Variants in CFAP54 observed in about 807,000 individuals in gnomAD.
CFAP54 encodes the protein cilia- and flagella-associated protein 54.
Under a neutral mutation model 370.4 loss-of-function variants are expected in CFAP54, and 290 were observed. The ratio of observed to expected loss-of-function variants is 0.78; its 90% confidence interval spans 0.71 to 0.86. The LOEUF (loss-of-function observed/expected upper bound fraction) is 0.86, where lower values mean the gene tolerates loss of function less well. Among genes scored for constraint, CFAP54 ranks in the 40% least tolerant of loss-of-function variants. The probability of loss-of-function intolerance (pLI) is 0.00; values close to 1 mark genes in which losing one functional copy is unlikely to be tolerated. For synonymous variants in CFAP54, 1,206 were observed against 1,236.5 expected (o/e 0.98, Z 0.52); for missense variants, 3,399 against 3,528.7 (o/e 0.96, Z 0.93).
At position 96,489,662 on chromosome 12, in the gene CFAP54, C is replaced by G. The variant is rs1318082183; in HGVS notation, c.53C>G (p.Ser18Trp). The G allele has an allele frequency of 6.5e-7, 1 of 1,535,314 alleles. No individual in the cohort carries two copies. ...TCTCCGTCAGACGACTCTACCACCT[C>G]GGGGTCTCTGCCAGAACTGCCGCCG... is the stretch of plus-strand genomic sequence containing the variant. ...SSSPSDDSTT[S>W]GSLPELPPTS... The change falls in exon 1 of 68, where the codon TCG (serine) becomes TGG (tryptophan). Residue 18 changes from serine (S) to tryptophan (W), a missense_variant. Around this residue, in one of 3 missense-constraint regions of CFAP54, gnomAD observed 559 missense variants for 576.7 expected, o/e 0.97. Transcript: ENST00000524981.
chr12:96,775,667 A>AT (rs1362126744), intron 60 of CFAP54, among the ~76,000 whole-genome samples: 2 of 152,064 alleles, frequency 1.3e-5, no homozygotes, highest in Non-Finnish European at 2.9e-5. Context: ...TCCTCCTCTT[A>AT]TATCTGTAGT....
chr12:96,656,504 C>T lies in CFAP54; in HGVS notation c.5101-1378C>T, dbSNP rs147141342. Among the ~76,000 whole-genome samples the T allele has an allele frequency of 7.9e-5, 12 of 152,326 alleles. No homozygotes were observed. The East Asian group carries it at 2.3e-3, about 29-fold the overall frequency. On this transcript the variant is annotated intron_variant, in intron 36 of 67. Coordinates refer to ENST00000524981, the MANE Select transcript of CFAP54 (RefSeq NM_001306084.2). ...GCGATTCATTCTCCTGCCTCAGCCTCCTGAGTAGCTGAGATTACAGGCATG... is the reference window on the plus strand; with the variant it reads ...GCGATTCATTCTCCTGCCTCAGCCTTCTGAGTAGCTGAGATTACAGGCATG...
chr12:96,756,835 G>A (rs34483), intron 57 of CFAP54, among the ~76,000 whole-genome samples: 21,194 of 152,226 alleles, frequency 0.14, 1,883 homozygotes, highest in Middle Eastern at 0.26. Flanking sequence ...AGGATGACTG[G>A]CTTCTAAACT....
chr12:96,628,031 G>A (rs1358112776), intron 30 of CFAP54, among the ~76,000 whole-genome samples: 1 of 152,240 alleles, frequency 6.6e-6, no homozygotes, highest in Non-Finnish European at 1.5e-5. Flanking sequence ...ACAGCGTTCA[G>A]TATAGTAACA....
chr12:96,679,760 G>T lies in CFAP54; in HGVS notation c.5716+8G>T, dbSNP rs757182708. Reference sequence around the variant, plus strand: ...TTCTTGCACAGACACAAGGTAAAATGCATGTTCTGTATCTCTGAATCTTTC... The same window carrying T: ...TTCTTGCACAGACACAAGGTAAAATTCATGTTCTGTATCTCTGAATCTTTC... On this transcript the variant is annotated splice_region_variant and intron_variant, in intron 40 of 67. Transcript: ENST00000524981. 1 of 1,611,420 alleles carries T rather than the reference G, an allele frequency of 6.2e-7. No homozygotes were observed. The highest frequency in any genetic ancestry group is 8.5e-7 in the Non-Finnish European group (1 of 1,178,672).
intron 50 of CFAP54, among the ~76,000 whole-genome samples, chr12:96,722,106 T>A (rs34178730): frequency 5.1e-4 from 77 of 152,138 alleles, no homozygotes; most frequent in African/African-American, 1.8e-3. Flanking sequence ...TCCTGGCCCA[T>A]GTGCAGGAAC....
At position 96,519,039 on chromosome 12, in the gene CFAP54, T is replaced by G; in HGVS notation, c.910T>G (p.Cys304Gly). The part of the protein sequence containing the change: ...ATLYTAVCQC[C>G]YDCHAGIHGE... Reference sequence around the variant, plus strand: ...TCTCTACACAGCTGTTTGCCAGTGCTGCTATGACTGCCATGCCGGGATTCA... The same window carrying G: ...TCTCTACACAGCTGTTTGCCAGTGCGGCTATGACTGCCATGCCGGGATTCA... Residue 304 changes from cysteine (C) to glycine (G), a missense_variant, in exon 6 of 68, where the codon TGC (cysteine) becomes GGC (glycine). Cys to Gly is a radical substitution (Grantham distance 159, BLOSUM62 -3). Around this residue, in one of 3 missense-constraint regions of CFAP54, gnomAD observed 559 missense variants for 576.7 expected, o/e 0.97. Transcript: ENST00000524981. 1.3e-6 allele frequency: 2 copies of G among 1,535,720 alleles called. No homozygotes were observed. Among genetic ancestry groups the G allele is most frequent in the Non-Finnish European group, 1.7e-6 (2 of 1,146,722 alleles).
chr12:96,679,126 C>G (rs1957243319), intron 39 of CFAP54, among the ~76,000 whole-genome samples: 1 of 152,184 alleles, frequency 6.6e-6, no homozygotes, highest in South Asian at 2.1e-4. Flanking sequence ...GGGTCCCCCT[C>G]TTCCTTTCCT....
rs142512903 is a variant in CFAP54 at position 96,762,634 on chromosome 12, A to G, written c.8041-1517A>G. 2.8e-3 allele frequency among the ~76,000 whole-genome samples: 432 copies of G among 152,236 alleles called. 1 individual carries two copies. The highest frequency in any genetic ancestry group is 9.8e-3 in the African/African-American group (407 of 41,542). The stretch of plus-strand genomic sequence containing the variant: ...AGTTGGTCTTACATTATAGTTATTT[A>G]ATGTTGTTCTCTATTCTTCATTACA... On this transcript the variant is annotated intron_variant, in intron 58 of 67. Coordinates refer to ENST00000524981, the MANE Select transcript of CFAP54 (RefSeq NM_001306084.2).
intron 50 of CFAP54, among the ~76,000 whole-genome samples, chr12:96,732,073 A>G (rs1957926988): frequency 6.6e-6 from 1 of 152,016 alleles, no homozygotes; most frequent in Non-Finnish European, 1.5e-5. Context: ...GTAGAAAAAG[A>G]GATGAACAAT....
chr12:96,742,470 T>C lies in CFAP54; in HGVS notation c.7103T>C (p.Leu2368Ser). 6.3e-7 allele frequency: 1 copy of C among 1,598,582 alleles called. No individual in the cohort carries two copies. Among genetic ancestry groups the C allele is most frequent in the South Asian group, 1.1e-5 (1 of 90,540 alleles). The change falls in exon 52 of 68, where the codon TTA becomes TCA. Residue 2368 changes from leucine (L) to serine (S), a missense_variant. Physicochemically the swap from Leu to Ser is moderately radical, Grantham distance 145. Around this residue, in one of 3 missense-constraint regions of CFAP54, gnomAD observed 2,796 missense variants for 2,869.7 expected, o/e 0.97. Transcript: ENST00000524981. The part of the protein sequence containing the change: ...VTENKDDSEF[L>S]DPISLNAREY... ...GAAAATAAAGATGACAGTGAGTTTT[T>C]AGATCCTATTTCCCTAAATGCCCGA...
intron 12 of CFAP54, among the ~76,000 whole-genome samples, chr12:96,536,842 T>C (rs1026115117): frequency 3.3e-5 from 5 of 152,014 alleles, no homozygotes; most frequent in Non-Finnish European, 7.4e-5. Flanking sequence ...TACAGGCTGG[T>C]CTCGAAATCC....
intron 60 of CFAP54, among the ~76,000 whole-genome samples, chr12:96,782,945 A>G (rs1958594725): frequency 6.6e-6 from 1 of 152,222 alleles, no homozygotes; most frequent in Admixed American, 6.5e-5. Flanking sequence ...GAATAGATAT[A>G]TAAATTGTGG....
chr12:96,712,629 CTAATTTTATGTTTGTACCCAT>C (rs1458141499), intron 48 of CFAP54, among the ~76,000 whole-genome samples: 1 of 152,084 alleles, frequency 6.6e-6, no homozygotes, highest in Non-Finnish European at 1.5e-5. Context: ...TTTCTTCTAT[CTAATTTTATGTTTGTACCCAT>C]TAATGAATTT....
In CFAP54 at chr12:96,752,422, G is replaced by C. The variant is rs143069557; in HGVS notation, c.7685-1321G>C. Among the ~76,000 whole-genome samples the C allele has an allele frequency of 3.8e-3, 577 of 152,292 alleles. 5 individuals carry two copies. The highest frequency in any genetic ancestry group is 0.013 in the African/African-American group (544 of 41,558). On this transcript the variant is annotated intron_variant, in intron 55 of 67. Transcript: ENST00000524981. ...GTGGGGACTTGTTCAAAGCCTCAAT[G>C]ATATGGTAGCACCAATGACTGGCCA...
At chr12:96,777,869 A>G (rs887419115) in intron 60 of CFAP54, among the ~76,000 whole-genome samples, 7 of 152,196 alleles carry the variant, frequency 4.6e-5, no homozygotes, top group African/African-American at 1.7e-4. Context: ...GATTCAGAAA[A>G]AGTTGCCAAT....
At chr12:96,803,160 T>C (rs990427065) in intron 63 of CFAP54, among the ~76,000 whole-genome samples, 1 of 152,186 alleles carries the variant, frequency 6.6e-6, no homozygotes, top group Non-Finnish European at 1.5e-5. Flanking sequence ...GTCTTTACAG[T>C]AGAATGATTT....
At chr12:96,807,192 A>G (rs762375841) in intron 63 of CFAP54, among the ~76,000 whole-genome samples, 1 of 152,180 alleles carries the variant, frequency 6.6e-6, no homozygotes, top group Non-Finnish European at 1.5e-5. Flanking sequence ...CATATTATAG[A>G]TGAGGAAGTA....
chr12:96,703,323 A>G (rs767881762), intron 46 of CFAP54, among the ~76,000 whole-genome samples: 1 of 152,152 alleles, frequency 6.6e-6, no homozygotes, highest in African/African-American at 2.4e-5. Flanking sequence ...TGGGTAGAAC[A>G]CTTCTGTTCT....
Sources: allele counts gnomAD v4.1 joint callset (sites outside exome capture counted in the v4.1 genomes callset), GRCh38; gene constraint gnomAD v4.1.1; regional missense constraint gnomAD v4.1.1; transcripts MANE v1.5; gene names NCBI Gene and HGNC (gene_info 2026-07-23, HGNC 2026-07-21).